MROH9: variants seen among roughly 807,000 people sequenced by gnomAD.
MROH9 encodes maestro heat like repeat family member 9, also known as maestro heat-like repeat-containing protein family member 9.
Under a neutral mutation model 98.2 loss-of-function variants are expected in MROH9, and 92 were observed. The ratio of observed to expected loss-of-function variants is 0.94; its 90% CI spans 0.79 to 1.11. The LOEUF (loss-of-function observed/expected upper bound fraction) is 1.11. MROH9 is among the 50% of genes most tolerant of loss of function. MROH9 has a pLI of 0.00. For synonymous variants in MROH9, 397 were observed against 368.9 expected (o/e 1.08, Z -0.87); for missense variants, 1,057 against 1,014.8 (o/e 1.04, Z -0.57).
chr1:171,053,502 G>A (rs1653734873), intron 20 of MROH9, among the ~76,000 whole-genome samples: 1 of 152,102 alleles, frequency 6.6e-6, no homozygotes, highest in Admixed American at 6.6e-5. Flanking sequence ...TCCCCTCTGA[G>A]AAAAGATAAA....
At chr1:171,004,601 G>C (rs188738991) in intron 15 of MROH9, among the ~76,000 whole-genome samples, 2 of 152,188 alleles carry the variant, frequency 1.3e-5, no homozygotes, top group African/African-American at 4.8e-5. Flanking sequence ...CACAGTATTT[G>C]GGGGTATCTT....
At chr1:171,003,948 C>T (rs1281927203) in intron 15 of MROH9, among the ~76,000 whole-genome samples, 2 of 152,046 alleles carry the variant, frequency 1.3e-5, no homozygotes, top group Non-Finnish European at 2.9e-5. Flanking sequence ...GTGAGAGTCC[C>T]AAGTCACTGG....
At chr1:170,999,406 C>T (rs568928207) in intron 15 of MROH9, among the ~76,000 whole-genome samples, 90 of 152,240 alleles carry the variant, frequency 5.9e-4, no homozygotes, top group African/African-American at 2.1e-3. Context: ...TCACAGAGAA[C>T]ATACCATGTT....
chr1:171,015,559 C>T (rs999085075), intron 16 of MROH9, among the ~76,000 whole-genome samples: 1 of 152,060 alleles, frequency 6.6e-6, no homozygotes, highest in Non-Finnish European at 1.5e-5. Flanking sequence ...TCTGGTGTCT[C>T]CTTTTCGTGT....
intron 17 of MROH9, among the ~76,000 whole-genome samples, chr1:171,018,179 G>A (rs1652393048): frequency 6.6e-6 from 1 of 152,112 alleles, no homozygotes; most frequent in African/African-American, 2.4e-5. Flanking sequence ...AGATCCCAGA[G>A]GAAGGAGCAG....
intron 15 of MROH9, chr1:170,998,931 A>G (rs2101817291): frequency 5.3e-6 from 1 of 189,974 alleles, no homozygotes; most frequent in Non-Finnish European, 9.7e-6. Flanking sequence ...TTAATAAATT[A>G]TGAAAAGCAT....
At chr1:170,977,925 A>G (rs28693736) in intron 8 of MROH9, among the ~76,000 whole-genome samples, 47,489 of 152,064 alleles carry the variant, frequency 0.31, 7,552 homozygotes, top group Middle Eastern at 0.45. Flanking sequence ...GGTGATGAGC[A>G]GGGAACATGA....
chr1:170,972,828 ATACAC>A (rs1235925625), intron 8 of MROH9, among the ~76,000 whole-genome samples: 1 of 50,338 alleles, frequency 2.0e-5, no homozygotes, highest in Non-Finnish European at 3.8e-5. Flanking sequence ...AAAAAAAAAA[ATACAC>A]ACACACACAC....
chr1:170,985,503 C>G (rs1651098127), intron 9 of MROH9, among the ~76,000 whole-genome samples: 1 of 152,140 alleles, frequency 6.6e-6, no homozygotes, highest in African/African-American at 2.4e-5. Flanking sequence ...ATATAATCTA[C>G]TGTCACATCT....
intron 21 of MROH9, 37 bp downstream of exon 21, chr1:171,062,231 A>T (rs1354856555): frequency 7.3e-7 from 1 of 1,370,692 alleles, no homozygotes. Flanking sequence ...TTTATGCATA[A>T]ATCTAAATAC....
chr1:171,022,359 A>C (rs1316779699), intron 17 of MROH9, among the ~76,000 whole-genome samples: 1 of 152,198 alleles, frequency 6.6e-6, no homozygotes, highest in East Asian at 1.9e-4. Context: ...AATGCCCATC[A>C]ATGTTAGACT....
At chr1:171,018,464 G>A (rs1389709097) in intron 17 of MROH9, among the ~76,000 whole-genome samples, 1 of 152,020 alleles carries the variant, frequency 6.6e-6, no homozygotes, top group South Asian at 2.1e-4. Context: ...ACAAAACAAC[G>A]CTGAAGGCCC....
chr1:170,961,682 T>C (rs190549868), intron 5 of MROH9, among the ~76,000 whole-genome samples: 12 of 152,324 alleles, frequency 7.9e-5, no homozygotes, highest in East Asian at 1.9e-4. Flanking sequence ...TTTTTCTTTG[T>C]ATATTTTTTA....
chr1:170,993,428 T>G lies in MROH9; in HGVS notation c.1194+1099T>G, dbSNP rs552210851. On this transcript the variant is annotated intron_variant, in intron 12 of 21. Transcript: ENST00000367759. Reference sequence around the variant, plus strand: ...GCCTTGAATAAGCCAGAAAAGTTACTGACTGGTTTGAAATTAATTGTGTGT... The same window carrying G: ...GCCTTGAATAAGCCAGAAAAGTTACGGACTGGTTTGAAATTAATTGTGTGT... Among the ~76,000 whole-genome samples the G allele has an allele frequency of 2.0e-5, 3 of 152,288 alleles. No homozygotes were observed. The East Asian group carries it at 5.8e-4, about 29-fold the overall frequency.
intron 13 of MROH9, among the ~76,000 whole-genome samples, chr1:170,995,855 T>C (rs994973902): frequency 6.6e-6 from 1 of 152,188 alleles, no homozygotes; most frequent in Non-Finnish European, 1.5e-5. Context: ...CAAAGTCAGA[T>C]ACATTTTTGC....
At chr1:171,002,725 G>A (rs1651820901) in intron 15 of MROH9, among the ~76,000 whole-genome samples, 2 of 152,166 alleles carry the variant, frequency 1.3e-5, no homozygotes, top group Non-Finnish European at 1.5e-5. Flanking sequence ...CGATGACAAT[G>A]TGCTTAGGTG....
intron 20 of MROH9, among the ~76,000 whole-genome samples, chr1:171,040,102 C>T (rs1653248385): frequency 6.6e-6 from 1 of 151,786 alleles, no homozygotes; most frequent in Non-Finnish European, 1.5e-5. Flanking sequence ...TGAAATAAAC[C>T]AAAGACAGAA....
At chr1:171,064,072 G>T in intron 21 of MROH9, 27 bp from the exon 22 acceptor site, 1 of 1,515,750 alleles carries the variant, frequency 6.6e-7, no homozygotes, top group South Asian at 1.3e-5. Context: ...GAGATAACTT[G>T]AACTAAAGTC....
intron 7 of MROH9, among the ~76,000 whole-genome samples, chr1:170,967,706 C>G (rs1650285489): frequency 6.6e-6 from 1 of 152,198 alleles, no homozygotes; most frequent in South Asian, 2.1e-4. Flanking sequence ...TGATTTGTCT[C>G]ACATGACTCA....
Sources: gnomAD v4.1 joint callset for allele counts (sites outside exome capture counted in the v4.1 genomes callset) on GRCh38, gnomAD v4.1.1 for gene constraint, MANE v1.5 for transcripts, NCBI Gene and HGNC (gene_info 2026-07-23, HGNC 2026-07-21) for gene names.